The following ENPP6 variants were observed in gnomAD, a reference collection of about 807,000 sequenced individuals.
The protein encoded by ENPP6 is ectonucleotide pyrophosphatase/phosphodiesterase 6.
A neutral mutation model predicts 42.0 loss-of-function variants in ENPP6; 32 were observed. The observed-to-expected ratio is 0.76, with a 90% confidence interval of 0.58 to 1.02. The LOEUF (loss-of-function observed/expected upper bound fraction) is 1.02. Ranked by LOEUF, ENPP6 falls within the 50% of genes least tolerant of loss-of-function variation. The pLI, the probability that ENPP6 is intolerant of heterozygous loss-of-function variation, is 0.00. For synonymous variants in ENPP6, 213 were observed against 216.0 expected (o/e 0.99, Z 0.12); for missense variants, 552 against 566.8 (o/e 0.97, Z 0.27).
chr4:184,097,154 TC>T lies in ENPP6; in HGVS notation c.1117+90del, dbSNP rs1334748391. ...CTCATAAAGAGGGTCTGTAAGGAAA[TC>T]CCTGCAGCCTCTCCTGGCACCCGTA... is the stretch of plus-strand genomic sequence containing the variant. On this transcript the variant is annotated intron_variant, in intron 7 of 7. Coordinates refer to ENST00000296741, the MANE Select transcript of ENPP6 (RefSeq NM_153343.4). The T allele has an allele frequency of 3.8e-6, 6 of 1,560,682 alleles. No individual in the cohort carries two copies. The South Asian group carries it at 4.8e-5, about 12-fold the overall frequency.
At chr4:184,175,578 C>G (rs1404277466) in intron 1 of ENPP6, among the ~76,000 whole-genome samples, 2 of 152,140 alleles carry the variant, frequency 1.3e-5, no homozygotes, top group Admixed American at 1.3e-4. Flanking sequence ...ACAGCCATCA[C>G]TAGGCACAGA....
At position 184,096,951 on chromosome 4, in the gene ENPP6, T is replaced by C. The variant is rs1735920902; in HGVS notation, c.1117+294A>G. On this transcript the variant is annotated intron_variant, in intron 7 of 7. Transcript: ENST00000296741. ...ACATCAGATAGCTATGAAATAACATTTTGATGAATTAGGTAAAAAATGAAT... is the reference window on the plus strand; with the variant it reads ...ACATCAGATAGCTATGAAATAACATCTTGATGAATTAGGTAAAAAATGAAT... 2.0e-5 allele frequency among the ~76,000 whole-genome samples: 3 copies of C among 152,048 alleles called. 1 individual carries two copies. Among genetic ancestry groups the C allele is most frequent in the Admixed American group, 2.0e-4 (3 of 15,274 alleles).
At chr4:184,125,543 C>T (rs1212018706) in intron 2 of ENPP6, among the ~76,000 whole-genome samples, 1 of 152,090 alleles carries the variant, frequency 6.6e-6, no homozygotes, top group Non-Finnish European at 1.5e-5. Context: ...ACATCAACCC[C>T]ACCCCTGGGT....
At chr4:184,102,316 G>T (rs1736018029) in intron 6 of ENPP6, among the ~76,000 whole-genome samples, 2 of 152,312 alleles carry the variant, frequency 1.3e-5, no homozygotes, top group Middle Eastern at 3.4e-3. Flanking sequence ...GGCAGAGGGA[G>T]GGGTGGAAGG....
rs918114819 is a variant in ENPP6, at chr4:184,089,946, G to A, written c.*1231C>T. The A allele has an allele frequency of 5.3e-5, 8 of 152,114 alleles. No homozygotes were observed. Among genetic ancestry groups the A allele is most frequent in the Middle Eastern group, 3.2e-3 (1 of 316 alleles). 9.4% of individuals were successfully genotyped at this position (152,114 alleles called of 1,614,324 possible). A position where few individuals can be genotyped will look rare whatever the true frequency, so the allele number is the denominator to read the frequency against. The stretch of plus-strand genomic sequence containing the variant: ...AAAATATTTCAACTCAGGCTCAGTG[G>A]CTCTTCTCAAAGGTATCAAAAGAAC... On this transcript the variant is annotated 3_prime_UTR_variant, in exon 8 of 8. Coordinates refer to ENST00000296741, the MANE Select transcript of ENPP6 (RefSeq NM_153343.4).
intron 2 of ENPP6, among the ~76,000 whole-genome samples, chr4:184,125,864 G>A (rs1395829203): frequency 6.6e-6 from 1 of 152,174 alleles, no homozygotes; most frequent in Non-Finnish European, 1.5e-5. Context: ...GTGGAATCTT[G>A]AATGACTATA....
chr4:184,162,555 GGAAA>G (rs143405629), intron 1 of ENPP6, among the ~76,000 whole-genome samples: 1 of 50,556 alleles, frequency 2.0e-5, no homozygotes, highest in African/African-American at 3.9e-5. Flanking sequence ...GAAGAAGGAA[GGAAA>G]GAAGGAAGGA....
chr4:184,158,057 C>A (rs1579640853), intron 1 of ENPP6, among the ~76,000 whole-genome samples: 1 of 151,996 alleles, frequency 6.6e-6, no homozygotes. Context: ...CTTTTTGCAT[C>A]CACTCAACAT....
At chr4:184,104,747 G>C (rs1207221676) in intron 6 of ENPP6, among the ~76,000 whole-genome samples, 1 of 152,208 alleles carries the variant, frequency 6.6e-6, no homozygotes, top group Non-Finnish European at 1.5e-5. Context: ...TAAGTAGTCA[G>C]GAATCAACTG....
rs78747890 is a variant in ENPP6 at position 184,090,663 on chromosome 4, A to G, written c.*514T>C. ...AAAAAATTCCATGAGCTGGGTCAGA[A>G]ATAGACAGTAGCTTTTGCTTTCATG... is the stretch of plus-strand genomic sequence containing the variant. On this transcript the variant is annotated 3_prime_UTR_variant, in exon 8 of 8. Coordinates refer to ENST00000296741, the MANE Select transcript of ENPP6 (RefSeq NM_153343.4). The G allele has an allele frequency of 0.01, 2,267 of 222,778 alleles. 36 individuals carry two copies. Among genetic ancestry groups the G allele is most frequent in the African/African-American group, 0.047 (2,109 of 44,466 alleles). The allele number at this position is 222,778 out of a possible 1,614,324, so 13.8% of individuals were successfully genotyped here. A position where few individuals can be genotyped will look rare whatever the true frequency, so the allele number is the denominator to read the frequency against.
chr4:184,216,589 T>C (rs1484055882), intron 1 of ENPP6: 2 of 152,250 alleles, frequency 1.3e-5, no homozygotes, highest in Non-Finnish European at 2.9e-5. Context: ...GAGCTCTCTC[T>C]GTGCTCAGAG....
intron 2 of ENPP6, among the ~76,000 whole-genome samples, chr4:184,131,738 A>G (rs1301340988): frequency 4.6e-5 from 7 of 150,724 alleles, no homozygotes; most frequent in Non-Finnish European, 7.4e-5. Context: ...AAAATTACCC[A>G]TTTTCCATTT....
chr4:184,149,678 T>C (rs114743969), intron 2 of ENPP6, among the ~76,000 whole-genome samples: 56 of 152,278 alleles, frequency 3.7e-4, no homozygotes, highest in African/African-American at 1.3e-3. Flanking sequence ...AAATGCATGG[T>C]GGGAGATGTG....
rs764325572 is a variant in ENPP6, at chr4:184,153,621, A to C, written c.354T>G (p.Asn118Lys). ...GAGTGACCCACAGAGGTTCTGATCC[A>C]TTCCACCAGAGAGGCATTAGGCTGT... ...NKDSLMPLWWNGSEPLWVTLT... is the reference protein window; with the variant it reads ...NKDSLMPLWWKGSEPLWVTLT... Residue 118 changes from asparagine to lysine, a missense_variant, in exon 2 of 8, where the codon AAT (asparagine) becomes AAG (lysine). Asn to Lys is a moderately conservative substitution (Grantham distance 94). Around this residue, in one of 2 missense-constraint regions of ENPP6, gnomAD observed 545 missense variants for 546.3 expected, o/e 1.00. Coordinates refer to ENST00000296741, the MANE Select transcript of ENPP6 (RefSeq NM_153343.4). 27 of 1,614,068 alleles carry C rather than the reference A, an allele frequency of 1.7e-5. No homozygotes were observed. Among genetic ancestry groups the C allele is most frequent in the Non-Finnish European group, 2.1e-5 (25 of 1,180,036 alleles).
At chr4:184,123,809 C>T (rs756164362) in intron 3 of ENPP6, among the ~76,000 whole-genome samples, 1 of 152,168 alleles carries the variant, frequency 6.6e-6, no homozygotes, top group Non-Finnish European at 1.5e-5. Flanking sequence ...ACATATCCTT[C>T]CTTTTTGCCA....
chr4:184,135,880 T>G (rs1235401979), intron 2 of ENPP6, among the ~76,000 whole-genome samples: 3 of 152,220 alleles, frequency 2.0e-5, no homozygotes, highest in African/African-American at 7.2e-5. Flanking sequence ...TTGAATTTTA[T>G]GTAAATGGAA....
chr4:184,106,881 C>T (rs761167627), intron 6 of ENPP6, among the ~76,000 whole-genome samples: 17 of 152,294 alleles, frequency 1.1e-4, no homozygotes, highest in African/African-American at 3.6e-4. Flanking sequence ...GCTAGGTGCA[C>T]GATTGCTGAG....
chr4:184,149,376 A>G (rs989856994), intron 2 of ENPP6, among the ~76,000 whole-genome samples: 2 of 152,232 alleles, frequency 1.3e-5, no homozygotes, highest in African/African-American at 4.8e-5. Context: ...CATGCCTCCT[A>G]TTATCCAGAT....
intron 1 of ENPP6, among the ~76,000 whole-genome samples, chr4:184,210,077 C>T (rs1055196969): frequency 1.3e-5 from 2 of 151,220 alleles, no homozygotes; most frequent in Admixed American, 1.3e-4. Flanking sequence ...AAAAGAGCTC[C>T]TGAAGGAAGC....
Sources: allele counts gnomAD v4.1 joint callset (sites outside exome capture counted in the v4.1 genomes callset), GRCh38; gene constraint gnomAD v4.1.1; regional missense constraint gnomAD v4.1.1; transcripts MANE v1.5; gene names NCBI Gene and HGNC (gene_info 2026-07-23, HGNC 2026-07-21).